GRIK2: variants seen among roughly 807,000 people sequenced by gnomAD.
GRIK2 encodes the protein glutamate ionotropic receptor kainate type subunit 2, also known as glutamate receptor ionotropic, kainate 2.
A neutral mutation model predicts 100.3 loss-of-function variants in GRIK2; 32 were observed. The ratio of observed to expected loss-of-function variants is 0.32; its 90% CI spans 0.24 to 0.43. The LOEUF (loss-of-function observed/expected upper bound fraction) is 0.43. Among genes scored for constraint, GRIK2 ranks in the 20% least tolerant of loss-of-function variants. The pLI is 1.00. For synonymous variants in GRIK2, 417 were observed against 389.4 expected (o/e 1.07, Z -0.83); for missense variants, 843 against 1,114.9 (o/e 0.76, Z 3.47).
intron 7 of GRIK2, among the ~76,000 whole-genome samples, chr6:101,764,099 C>T (rs1777897538): frequency 6.6e-6 from 1 of 152,182 alleles, no homozygotes; most frequent in Admixed American, 6.5e-5. Flanking sequence ...CTGTCTCTCT[C>T]TCTCATGCTT....
At chr6:101,542,727 T>A (rs115487986) in intron 2 of GRIK2, among the ~76,000 whole-genome samples, 2 of 152,264 alleles carry the variant, frequency 1.3e-5, no homozygotes, top group East Asian at 3.9e-4. Flanking sequence ...TATATAACTA[T>A]GAGCGTGTAA....
chr6:101,969,370 T>C (rs1792894420), intron 14 of GRIK2, among the ~76,000 whole-genome samples: 1 of 152,038 alleles, frequency 6.6e-6, no homozygotes, highest in Admixed American at 6.6e-5. Context: ...AGCTTCAAAA[T>C]ATTTGTTCTA....
intron 6 of GRIK2, among the ~76,000 whole-genome samples, 198 bp from the exon 7 acceptor site, chr6:101,685,982 A>G (rs1016535323): frequency 1.3e-5 from 2 of 152,124 alleles, no homozygotes; most frequent in Non-Finnish European, 2.9e-5. Flanking sequence ...ATAGATTTTT[A>G]CATACGGAGC....
chr6:101,509,176 A>C (rs1050863549), intron 2 of GRIK2, among the ~76,000 whole-genome samples: 7 of 146,416 alleles, frequency 4.8e-5, no homozygotes, highest in African/African-American at 1.8e-4. Context: ...AAAAAAAAAA[A>C]ATGGAGCTAA....
chr6:101,493,353 G>A (rs941172036), intron 2 of GRIK2, among the ~76,000 whole-genome samples: 3 of 151,886 alleles, frequency 2.0e-5, no homozygotes, highest in Non-Finnish European at 4.4e-5. Flanking sequence ...AAAATTTTAG[G>A]AGCAACCAGA....
chr6:101,603,050 G>C (rs1451255031), intron 2 of GRIK2, among the ~76,000 whole-genome samples: 1 of 151,260 alleles, frequency 6.6e-6, no homozygotes, highest in Admixed American at 6.6e-5. Flanking sequence ...GCCTTTTGAG[G>C]GTCCAAATTA....
chr6:101,912,771 T>C (rs956030090), intron 12 of GRIK2, among the ~76,000 whole-genome samples: 2 of 151,608 alleles, frequency 1.3e-5, no homozygotes, highest in African/African-American at 4.8e-5. Flanking sequence ...CCTGAGGTTC[T>C]TAATATTTCT....
intron 7 of GRIK2, among the ~76,000 whole-genome samples, chr6:101,705,778 C>T (rs1043456091): frequency 3.3e-5 from 5 of 151,786 alleles, no homozygotes; most frequent in African/African-American, 7.3e-5. Context: ...ATTTTGCACA[C>T]CAATTAATTT....
At chr6:101,675,170 C>G (rs1414682905) in intron 4 of GRIK2, among the ~76,000 whole-genome samples, 1 of 151,950 alleles carries the variant, frequency 6.6e-6, no homozygotes. Context: ...CTCTCCATCC[C>G]TCTCTTCCCT....
chr6:101,850,447 G>C (rs1784069044), intron 10 of GRIK2, among the ~76,000 whole-genome samples: 1 of 151,894 alleles, frequency 6.6e-6, no homozygotes, highest in Admixed American at 6.6e-5. Context: ...ATGTCCCTAT[G>C]TTTTAAGTAG....
At chr6:101,424,780 T>C (rs1776616982) in intron 2 of GRIK2, among the ~76,000 whole-genome samples, 1 of 151,244 alleles carries the variant, frequency 6.6e-6, no homozygotes, top group South Asian at 2.1e-4. Flanking sequence ...TGTGTTCTCA[T>C]TGTTCAATTC....
intron 10 of GRIK2, among the ~76,000 whole-genome samples, chr6:101,838,798 C>T (rs1052292754): frequency 6.6e-6 from 1 of 151,732 alleles, no homozygotes; most frequent in Non-Finnish European, 1.5e-5. Flanking sequence ...ATTACAGCTG[C>T]CCACCACCAC....
chr6:101,517,363 A>G (rs973681271), intron 2 of GRIK2, among the ~76,000 whole-genome samples: 4 of 152,086 alleles, frequency 2.6e-5, no homozygotes, highest in African/African-American at 9.7e-5. Flanking sequence ...AGCGAATTAT[A>G]TTGTTTGAAA....
chr6:101,511,149 AAAT>A (rs1191278697), intron 2 of GRIK2, among the ~76,000 whole-genome samples: 2 of 152,204 alleles, frequency 1.3e-5, no homozygotes, highest in Non-Finnish European at 2.9e-5. Flanking sequence ...GCTTACAACA[AAAT>A]AAATACTTTA....
intron 11 of GRIK2, among the ~76,000 whole-genome samples, chr6:101,885,018 A>G (rs1308167135): frequency 6.6e-6 from 1 of 152,132 alleles, no homozygotes; most frequent in Non-Finnish European, 1.5e-5. Flanking sequence ...CCCTCAGTTT[A>G]GAGTTACATG....
chr6:101,631,268 A>T (rs1331756849), intron 4 of GRIK2, among the ~76,000 whole-genome samples: 1 of 152,154 alleles, frequency 6.6e-6, no homozygotes, highest in Non-Finnish European at 1.5e-5. Flanking sequence ...GCTAGATGAC[A>T]GCTTGTAAGC....
chr6:101,543,158 C>T (rs1440309718), intron 2 of GRIK2, among the ~76,000 whole-genome samples: 1 of 152,118 alleles, frequency 6.6e-6, no homozygotes, highest in African/African-American at 2.4e-5. Flanking sequence ...TGGAATAGAT[C>T]AATTTTGTAA....
At chr6:101,465,646 T>C (rs999147161) in intron 2 of GRIK2, among the ~76,000 whole-genome samples, 2 of 152,146 alleles carry the variant, frequency 1.3e-5, no homozygotes, top group Non-Finnish European at 2.9e-5. Context: ...TCTCCATTCT[T>C]GTTGAGCTGC....
chr6:101,760,339 A>G (rs1312511723), intron 7 of GRIK2, among the ~76,000 whole-genome samples: 3 of 108,260 alleles, frequency 2.8e-5, no homozygotes, highest in South Asian at 2.9e-4. Flanking sequence ...ATATATATTT[A>G]TTATATATAA....
Sources: allele counts gnomAD v4.1 joint callset (sites outside exome capture counted in the v4.1 genomes callset), GRCh38; gene constraint gnomAD v4.1.1; transcripts MANE v1.5; gene names NCBI Gene and HGNC (gene_info 2026-07-23, HGNC 2026-07-21).